FNDC3B: variants seen among roughly 807,000 people sequenced by gnomAD.
The protein encoded by FNDC3B is fibronectin type III domain containing 3B, also known as fibronectin type III domain-containing protein 3B.
In FNDC3B, 12 loss-of-function variants were observed where a neutral mutation model predicts 151.5. The ratio of observed to expected loss-of-function variants is 0.08; its 90% CI spans 0.05 to 0.13. The LOEUF (loss-of-function observed/expected upper bound fraction) is 0.13. FNDC3B is among the 10% of genes least tolerant of loss of function. The pLI is 1.00. For missense variants in FNDC3B, 1,214 were observed against 1,505.3 expected, an observed-to-expected ratio of 0.81 and a Z score of 3.20; for synonymous variants, 528 against 549.0, an observed-to-expected ratio of 0.96 and a Z score of 0.54.
At chr3:172,227,662 AC>A (rs1726659641) in intron 4 of FNDC3B, among the ~76,000 whole-genome samples, 1 of 152,122 alleles carries the variant, frequency 6.6e-6, no homozygotes, top group East Asian at 1.9e-4. Context: ...CTGCATAGCT[AC>A]CTTTCCAAAT....
chr3:172,225,103 A>G (rs1726482178), intron 3 of FNDC3B, among the ~76,000 whole-genome samples: 1 of 152,238 alleles, frequency 6.6e-6, no homozygotes, highest in Non-Finnish European at 1.5e-5. Context: ...ACATGTAATT[A>G]ACATTCATTG....
intron 3 of FNDC3B, among the ~76,000 whole-genome samples, chr3:172,162,658 GGTTTTTTT>G (rs1722836716): frequency 1.3e-5 from 1 of 76,022 alleles, no homozygotes; most frequent in South Asian, 3.2e-4. Context: ...GTTATTACCT[GGTTTTTTT>G]TTTTTTTTTG....
chr3:172,392,466 A>T (rs1415388110), intron 25 of FNDC3B, among the ~76,000 whole-genome samples: 1 of 152,212 alleles, frequency 6.6e-6, no homozygotes, highest in Non-Finnish European at 1.5e-5. Context: ...ATCTCTTTAA[A>T]AGGATAACTA....
intron 1 of FNDC3B, among the ~76,000 whole-genome samples, chr3:172,082,923 G>A (rs925757524): frequency 2.0e-5 from 3 of 152,158 alleles, no homozygotes; most frequent in Admixed American, 2.0e-4. Flanking sequence ...AGTTTATTAA[G>A]TATTTCTGAA....
intron 11 of FNDC3B, among the ~76,000 whole-genome samples, chr3:172,318,322 C>T (rs929852928): frequency 6.6e-6 from 1 of 152,228 alleles, no homozygotes; most frequent in African/African-American, 2.4e-5. Flanking sequence ...TCACAGAAAC[C>T]TCCTGAAGCA....
chr3:172,191,671 AT>A (rs979741226), intron 3 of FNDC3B, among the ~76,000 whole-genome samples: 1 of 151,800 alleles, frequency 6.6e-6, no homozygotes, highest in Non-Finnish European at 1.5e-5. Flanking sequence ...TAATTTTTAA[AT>A]TTTTTGTAGA....
At chr3:172,210,954 A>G (rs1560020063) in intron 3 of FNDC3B, among the ~76,000 whole-genome samples, 1 of 152,206 alleles carries the variant, frequency 6.6e-6, no homozygotes, top group Non-Finnish European at 1.5e-5. Context: ...TGCTGCTGAC[A>G]CATTTGCAAA....
At chr3:172,200,102 G>A (rs1725068370) in intron 3 of FNDC3B, among the ~76,000 whole-genome samples, 1 of 152,142 alleles carries the variant, frequency 6.6e-6, no homozygotes, top group African/African-American at 2.4e-5. Context: ...AGGAACAGAT[G>A]GAACCCACCC....
intron 23 of FNDC3B, among the ~76,000 whole-genome samples, chr3:172,370,183 T>G (rs1215400772): frequency 6.6e-6 from 1 of 152,156 alleles, no homozygotes; most frequent in Non-Finnish European, 1.5e-5. Flanking sequence ...TATAGAAACG[T>G]TAGCATTATC....
chr3:172,078,667 A>G (rs535463084), intron 1 of FNDC3B, among the ~76,000 whole-genome samples: 69 of 152,362 alleles, frequency 4.5e-4, no homozygotes, highest in Middle Eastern at 6.8e-3. Context: ...ATACTGAAAC[A>G]TTAAGGTTGC....
At chr3:172,334,203 CAT>C (rs1732832442) in intron 14 of FNDC3B, among the ~76,000 whole-genome samples, 1 of 152,112 alleles carries the variant, frequency 6.6e-6, no homozygotes, top group Non-Finnish European at 1.5e-5. Context: ...TAATTTTTAA[CAT>C]ATTTTTTAAA....
At chr3:172,249,166 G>A (rs986492105) in intron 5 of FNDC3B, among the ~76,000 whole-genome samples, 2 of 152,072 alleles carry the variant, frequency 1.3e-5, no homozygotes, top group African/African-American at 4.8e-5. Flanking sequence ...GTGTTTCTTA[G>A]AGCTTTCTGG....
In FNDC3B at chr3:172,068,109, T is replaced by A. The variant is rs1404985882; in HGVS notation, c.-29+28338T>A. 2.0e-5 allele frequency among the ~76,000 whole-genome samples: 3 copies of A among 152,314 alleles called. 1 individual carries two copies. In the South Asian group the frequency reaches 6.2e-4, roughly 32 times the overall value. The stretch of plus-strand genomic sequence containing the variant: ...GATCCCATTCTGTAGCCCCTGCTGC[T>A]CTTTTCAGGGGATTCTATTTTGTCT... On this transcript the variant is annotated intron_variant, in intron 1 of 25. Coordinates refer to ENST00000415807, the MANE Select transcript of FNDC3B (RefSeq NM_022763.4).
chr3:172,392,178 AG>A, intron 25 of FNDC3B, among the ~76,000 whole-genome samples: 1 of 152,308 alleles, frequency 6.6e-6, no homozygotes, highest in East Asian at 1.9e-4. Flanking sequence ...GCAGTGAGAA[AG>A]GAATGGTCTC....
intron 1 of FNDC3B, among the ~76,000 whole-genome samples, chr3:172,052,657 C>T (rs972629289): frequency 3.9e-5 from 6 of 152,120 alleles, no homozygotes; most frequent in East Asian, 1.9e-4. Context: ...TGGAGAGGGG[C>T]GGTGCCTGTG....
chr3:172,136,312 G>T (rs1369237652), intron 3 of FNDC3B, among the ~76,000 whole-genome samples: 1 of 152,184 alleles, frequency 6.6e-6, no homozygotes, highest in Non-Finnish European at 1.5e-5. Context: ...ATAAGCTAGG[G>T]GCGAGCACTT....
intron 19 of FNDC3B, among the ~76,000 whole-genome samples, chr3:172,345,036 A>G (rs1200638029): frequency 6.6e-6 from 1 of 152,110 alleles, no homozygotes; most frequent in Non-Finnish European, 1.5e-5. Context: ...AAATAGAATT[A>G]ATTAATTGAT....
chr3:172,117,236 A>G (rs963222114), intron 2 of FNDC3B, among the ~76,000 whole-genome samples: 5 of 152,172 alleles, frequency 3.3e-5, no homozygotes, highest in African/African-American at 4.8e-5. Context: ...GCTTCCCTTA[A>G]TATGCCTAAT....
chr3:172,321,097 G>C (rs1375301644), intron 11 of FNDC3B, among the ~76,000 whole-genome samples: 1 of 152,178 alleles, frequency 6.6e-6, no homozygotes, highest in African/African-American at 2.4e-5. Context: ...TGGAACTCTT[G>C]TATGTTTGTA....
Sources: gnomAD v4.1 joint callset for allele counts (sites outside exome capture counted in the v4.1 genomes callset) on GRCh38, gnomAD v4.1.1 for gene constraint, MANE v1.5 for transcripts, NCBI Gene and HGNC (gene_info 2026-07-23, HGNC 2026-07-21) for gene names.